The following TUSC3 variants were observed in gnomAD, a reference collection of about 807,000 sequenced individuals.
TUSC3 encodes dolichyl-diphosphooligosaccharide--protein glycosyltransferase subunit TUSC3.
In TUSC3, 45 loss-of-function variants were observed where a neutral mutation model predicts 44.8. The ratio of observed to expected loss-of-function variants is 1.00; its 90% CI spans 0.79 to 1.29. The LOEUF is 1.29. Among genes scored for constraint, TUSC3 ranks in the 50% most tolerant of loss-of-function variants. The pLI is 0.00. For synonymous variants in TUSC3, 212 were observed against 152.9 expected, an observed-to-expected ratio of 1.39 and a Z score of -2.85; for missense variants, 519 against 437.9, an observed-to-expected ratio of 1.19 and a Z score of -1.65.
At chr8:15,732,551 G>T (rs573241124) in intron 7 of TUSC3, among the ~76,000 whole-genome samples, 1 of 140,450 alleles carries the variant, frequency 7.1e-6, no homozygotes, top group East Asian at 2.2e-4. Flanking sequence ...TTTGACAAAG[G>T]TGTAGATGAC....
chr8:15,772,366 G>C, the TUSC3 span, among the ~76,000 whole-genome samples: 1 of 152,116 alleles, frequency 6.6e-6, no homozygotes, highest in Non-Finnish European at 1.5e-5. Context: ...TACCCACCTT[G>C]CGGAAATAAA....
chr8:15,765,406 T>C lies in TUSC3; in HGVS notation c.*1250T>C, dbSNP rs1812299770. The stretch of plus-strand genomic sequence containing the variant: ...TATCTAATTTTCATTAAGATTTGAG[T>C]AACAGACCATGGAGAATTGTTTTCA... On this transcript the variant is annotated 3_prime_UTR_variant, in exon 11 of 11. Transcript: ENST00000503731. 2 of 152,136 alleles carry C rather than the reference T, an allele frequency of 1.3e-5. No individual in the cohort carries two copies. The highest frequency in any genetic ancestry group is 4.1e-4 in the South Asian group (2 of 4,830). 9.4% of individuals were successfully genotyped at this position (152,136 alleles called of 1,614,324 possible).
upstream of TUSC3, among the ~76,000 whole-genome samples, chr8:15,538,198 T>A (rs972624677): frequency 6.6e-6 from 1 of 152,240 alleles, no homozygotes; most frequent in African/African-American, 2.4e-5. Flanking sequence ...CAAACGTAGC[T>A]GTAGCCAATT....
intron 3 of TUSC3, among the ~76,000 whole-genome samples, chr8:15,654,197 G>A (rs906540355): frequency 6.6e-6 from 1 of 152,134 alleles, no homozygotes; most frequent in Non-Finnish European, 1.5e-5. Flanking sequence ...TGGGGAGTGA[G>A]GAAGATGGGG....
intron 5 of TUSC3, among the ~76,000 whole-genome samples, chr8:15,666,276 A>C (rs1807657027): frequency 6.6e-6 from 1 of 151,526 alleles, no homozygotes; most frequent in African/African-American, 2.4e-5. Context: ...AAGGATATGC[A>C]CTTAAAAGCA....
the TUSC3 span, among the ~76,000 whole-genome samples, chr8:15,789,495 A>T: frequency 1.3e-5 from 2 of 152,342 alleles, no homozygotes; most frequent in East Asian, 1.9e-4. Flanking sequence ...TGTCATACAG[A>T]TGCCTAATTA....
intron 1 of TUSC3, among the ~76,000 whole-genome samples, chr8:15,446,959 A>T (rs866920841): frequency 2.0e-5 from 3 of 152,064 alleles, no homozygotes; most frequent in Middle Eastern, 3.2e-3. Flanking sequence ...TTAAAATGGA[A>T]ATTCACACAC....
intron 7 of TUSC3, among the ~76,000 whole-genome samples, chr8:15,737,342 T>C (rs979405801): frequency 2.0e-5 from 3 of 152,280 alleles, no homozygotes; most frequent in African/African-American, 7.2e-5. Flanking sequence ...AAACTTAGCA[T>C]ATGCAATTGA....
intron 6 of TUSC3, among the ~76,000 whole-genome samples, chr8:15,694,951 A>G (rs540576507): frequency 4.6e-5 from 7 of 152,180 alleles, no homozygotes; most frequent in African/African-American, 1.7e-4. Context: ...GCCCAAGCTG[A>G]GGTATTGGGT....
intron 5 of TUSC3, among the ~76,000 whole-genome samples, chr8:15,673,473 C>A (rs868336007): frequency 6.6e-6 from 1 of 152,014 alleles, no homozygotes; most frequent in African/African-American, 2.4e-5. Context: ...TTGCCTGTCA[C>A]CAGGCCAGAT....
At chr8:15,605,875 T>C (rs1585145983) in intron 1 of TUSC3, among the ~76,000 whole-genome samples, 1 of 152,048 alleles carries the variant, frequency 6.6e-6, no homozygotes, top group Admixed American at 6.6e-5. Flanking sequence ...ACTTCGTAGC[T>C]GCATTCCGTT....
intron 6 of TUSC3, among the ~76,000 whole-genome samples, chr8:15,702,811 A>G (rs1462512423): frequency 6.6e-6 from 1 of 152,110 alleles, no homozygotes; most frequent in Admixed American, 6.6e-5. Flanking sequence ...AAATACAACT[A>G]ACTTCTCTTT....
intron 2 of TUSC3, among the ~76,000 whole-genome samples, chr8:15,641,816 T>C (rs936996064): frequency 6.6e-6 from 1 of 152,236 alleles, no homozygotes; most frequent in African/African-American, 2.4e-5. Context: ...TTACATTGTT[T>C]GGAAGTCATG....
chr8:15,562,373 A>T (rs1470110554), intron 1 of TUSC3, among the ~76,000 whole-genome samples: 1 of 152,174 alleles, frequency 6.6e-6, no homozygotes. Flanking sequence ...CCTCTCCCTT[A>T]AGATGAGTAA....
chr8:15,618,714 A>C (rs1188522971), intron 1 of TUSC3, among the ~76,000 whole-genome samples: 1 of 152,178 alleles, frequency 6.6e-6, no homozygotes, highest in Non-Finnish European at 1.5e-5. Context: ...CCAGTAACAA[A>C]GTTGTTTATC....
chr8:15,832,654 C>T, the TUSC3 span, among the ~76,000 whole-genome samples: 1 of 152,114 alleles, frequency 6.6e-6, no homozygotes, highest in Non-Finnish European at 1.5e-5. Flanking sequence ...ACAAAACAGA[C>T]TTTAAACCAA....
chr8:15,710,912 A>G (rs1809817390), intron 6 of TUSC3, among the ~76,000 whole-genome samples: 1 of 149,944 alleles, frequency 6.7e-6, no homozygotes, highest in Admixed American at 6.7e-5. Context: ...ACCAGCACCA[A>G]ATCAAGAAGT....
intron 6 of TUSC3, among the ~76,000 whole-genome samples, chr8:15,714,946 T>G (rs1472486457): frequency 2.0e-5 from 3 of 152,188 alleles, no homozygotes; most frequent in Non-Finnish European, 4.4e-5. Context: ...TGGATTATTT[T>G]GGAATCTATG....
intron 4 of TUSC3, among the ~76,000 whole-genome samples, chr8:15,661,069 C>G (rs967509288): frequency 6.6e-6 from 1 of 151,854 alleles, no homozygotes; most frequent in African/African-American, 2.4e-5. Context: ...CCCTGCTACC[C>G]CCATGTCTCT....
Sources: gnomAD v4.1 joint callset for allele counts (sites outside exome capture counted in the v4.1 genomes callset) on GRCh38, gnomAD v4.1.1 for gene constraint, MANE v1.5 for transcripts, NCBI Gene and HGNC (gene_info 2026-07-23, HGNC 2026-07-21) for gene names.